Variants in HSPA4 observed in about 807,000 individuals in gnomAD.
HSPA4 encodes the protein heat shock 70 kDa protein 4.
A neutral mutation model predicts 106.2 loss-of-function variants in HSPA4; 25 were observed. That is an observed-to-expected ratio of 0.24 (90% CI 0.17 to 0.33). The LOEUF is 0.33. Ranked by LOEUF, HSPA4 falls within the 10% of genes least tolerant of loss-of-function variation. The pLI, the probability that HSPA4 is intolerant of heterozygous loss-of-function variation, is 1.00. For synonymous variants in HSPA4, 332 were observed against 333.6 expected (o/e 1.00, Z 0.05); for missense variants, 841 against 996.0 (o/e 0.84, Z 2.10).
rs747012950 is a variant in HSPA4, at chr5:133,085,489, T to TAAAAA, written c.909-1284_909-1280dup. 2.2e-4 allele frequency among the ~76,000 whole-genome samples: 24 copies of TAAAAA among 110,230 alleles called. 1 individual carries two copies. Among genetic ancestry groups the TAAAAA allele is most frequent in the East Asian group, 1.3e-3 (4 of 3,038 alleles). The allele number at this position is 110,230 out of a possible 152,430, so 72.3% of individuals were successfully genotyped here. ...CAACATGGTGAAATCCCATCTCTAC[T>TAAAAA]AAAAAAAAAAAAATACAAAATTAGC... On this transcript the variant is annotated intron_variant, in intron 7 of 18. Coordinates refer to ENST00000304858, the MANE Select transcript of HSPA4 (RefSeq NM_002154.4).
chr5:133,078,839 TC>T (rs1765480068), intron 7 of HSPA4, among the ~76,000 whole-genome samples: 1 of 151,930 alleles, frequency 6.6e-6, no homozygotes, highest in African/African-American at 2.4e-5. Context: ...GCTCAAGTGA[TC>T]CTCCTGCCTC....
rs531966494 is a variant in HSPA4 at position 133,052,041 on chromosome 5, C to T, written c.-210C>T. The T allele has an allele frequency of 9.4e-6, 5 of 529,924 alleles. No individual in the cohort carries two copies. The highest frequency in any genetic ancestry group is 6.0e-5 in the African/African-American group (3 of 49,756). The allele number at this position is 529,924 out of a possible 1,614,324, so 32.8% of individuals were successfully genotyped here. On this transcript the variant is annotated 5_prime_UTR_variant, in exon 1 of 19. Transcript: ENST00000304858. ...ATCTTCTCCGCCCCCGCTACCGGCG[C>T]CTCCTCTGCGGCCACTGAGCCGGAG...
intron 7 of HSPA4, among the ~76,000 whole-genome samples, chr5:133,085,675 C>T (rs974566886): frequency 4.6e-5 from 7 of 151,044 alleles, no homozygotes; most frequent in South Asian, 2.1e-4. Flanking sequence ...AAAGCCCTGC[C>T]GCCCCCGCCC....
At chr5:133,100,581 C>T (rs924994017) in intron 16 of HSPA4, among the ~76,000 whole-genome samples, 6 of 152,054 alleles carry the variant, frequency 3.9e-5, no homozygotes, top group East Asian at 1.9e-4. Context: ...GGGCGGATCA[C>T]GAGGTCGGAG....
rs1193275347 is a variant in HSPA4, at chr5:133,104,370, G to A, written c.2457G>A (p.Glu819=). The A allele has an allele frequency of 4.3e-6, 7 of 1,614,078 alleles. No individual in the cohort carries two copies. In the Admixed American group the frequency reaches 1.2e-4, roughly 27 times the overall value. The change falls in exon 19 of 19, where the codon GAG becomes GAA. Residue 819 remains glutamate (E), a synonymous_variant. Coordinates refer to ENST00000304858, the MANE Select transcript of HSPA4 (RefSeq NM_002154.4). The part of the protein sequence containing the change: ...QGDNPGPQAA[E]QGTDTAVPSD... ...ACAACCCAGGCCCCCAGGCTGCTGA[G>A]CAGGGTACAGACACAGCTGTGCCTT...
chr5:133,095,115 G>A (rs1388231260), intron 13 of HSPA4, among the ~76,000 whole-genome samples: 1 of 152,132 alleles, frequency 6.6e-6, no homozygotes, highest in Admixed American at 6.5e-5. Flanking sequence ...TTCGAGACCA[G>A]CCTAGCCAAC....
intron 13 of HSPA4, among the ~76,000 whole-genome samples, 196 bp downstream of exon 13, chr5:133,092,985 ATT>A (rs537301370): frequency 0.22 from 29,264 of 131,910 alleles, 3,044 homozygotes; most frequent in South Asian, 0.26. Flanking sequence ...CACGGCAGCT[ATT>A]TTTTTTTTTT....
intron 14 of HSPA4, among the ~76,000 whole-genome samples, chr5:133,096,835 TATCTC>T (rs1369369319): frequency 6.6e-6 from 1 of 152,238 alleles, no homozygotes; most frequent in East Asian, 1.9e-4. Flanking sequence ...TGATTTTTCT[TATCTC>T]ATATTAATAC....
intron 7 of HSPA4, among the ~76,000 whole-genome samples, chr5:133,080,417 CAAAA>C (rs33998797): frequency 3.1e-4 from 21 of 68,134 alleles, no homozygotes; most frequent in African/African-American, 6.0e-4. Context: ...GACCCTGTCT[CAAAA>C]AAAAAAAAAA....
chr5:133,089,274 A>G, intron 10 of HSPA4, 113 bp downstream of exon 10: 2 of 644,534 alleles, frequency 3.1e-6, no homozygotes, highest in Non-Finnish European at 2.6e-6. Flanking sequence ...ATCATAGTGC[A>G]TGAAGGAAGT....
intron 16 of HSPA4, chr5:133,101,459 A>G: frequency 5.0e-6 from 1 of 199,482 alleles, no homozygotes; most frequent in Non-Finnish European, 1.0e-5. Context: ...TATTTTTGGC[A>G]AGTATACTTT....
chr5:133,071,940 A>G (rs1196273719), intron 4 of HSPA4, among the ~76,000 whole-genome samples: 1 of 151,872 alleles, frequency 6.6e-6, no homozygotes, highest in African/African-American at 2.4e-5. Flanking sequence ...GATGTTTCCT[A>G]CCTTTCCTCA....
chr5:133,077,198 G>A (rs574582918), intron 7 of HSPA4, among the ~76,000 whole-genome samples: 1 of 152,292 alleles, frequency 6.6e-6, no homozygotes, highest in African/African-American at 2.4e-5. Context: ...GGGCTGTAAT[G>A]CAGAATTAAA....
In HSPA4 at chr5:133,052,132, G is replaced by C. The variant is rs1220868084; in HGVS notation, c.-119G>C. 1.0e-5 allele frequency: 7 copies of C among 679,002 alleles called. No homozygotes were observed. The highest frequency in any genetic ancestry group is 1.8e-5 in the Non-Finnish European group (7 of 394,676). 42.1% of individuals were successfully genotyped at this position (679,002 alleles called of 1,614,324 possible). ...GGACTTAGGCGCTCGCGTGGACACC[G>C]CAAGCCCCTCAGTAGCCTCGGCCCA... On this transcript the variant is annotated 5_prime_UTR_variant, in exon 1 of 19. Transcript: ENST00000304858.
At chr5:133,078,935 T>C (rs1298981644) in intron 7 of HSPA4, among the ~76,000 whole-genome samples, 1 of 152,152 alleles carries the variant, frequency 6.6e-6, no homozygotes, top group Non-Finnish European at 1.5e-5. Context: ...GGTGTCACCA[T>C]GTTGCCCAGG....
intron 3 of HSPA4, among the ~76,000 whole-genome samples, chr5:133,068,833 G>T (rs1765345362): frequency 6.6e-6 from 1 of 152,164 alleles, no homozygotes; most frequent in African/African-American, 2.4e-5. Context: ...AGGAGAAAAA[G>T]ACTAGGAAGA....
chr5:133,091,995 G>A (rs1331526414), intron 12 of HSPA4, among the ~76,000 whole-genome samples: 2 of 152,218 alleles, frequency 1.3e-5, no homozygotes, highest in African/African-American at 4.8e-5. Context: ...GCTGCAGTGA[G>A]TCCTGTTTGC....
chr5:133,054,030 C>T (rs1352521872), intron 1 of HSPA4, among the ~76,000 whole-genome samples: 6 of 151,154 alleles, frequency 4.0e-5, no homozygotes, highest in African/African-American at 7.3e-5. Context: ...CAGGTTTCAG[C>T]GAAACTAGAT....
At chr5:133,064,397 T>C (rs1765282503) in intron 1 of HSPA4, among the ~76,000 whole-genome samples, 1 of 152,068 alleles carries the variant, frequency 6.6e-6, no homozygotes, top group Non-Finnish European at 1.5e-5. Flanking sequence ...TCCCAGCTAC[T>C]TGGGAGGCTG....
Sources: allele counts gnomAD v4.1 joint callset (sites outside exome capture counted in the v4.1 genomes callset), GRCh38; gene constraint gnomAD v4.1.1; transcripts MANE v1.5; gene names NCBI Gene and HGNC (gene_info 2026-07-23, HGNC 2026-07-21).